The following DNM3 variants were observed in gnomAD, a reference collection of about 807,000 sequenced individuals.
DNM3 encodes the protein dynamin-3.
DNM3 carries 47 observed loss-of-function variants against 101.6 expected under a neutral mutation model. The observed-to-expected ratio is 0.46, with a 90% CI of 0.37 to 0.59. DNM3 has a LOEUF of 0.59. Ranked by LOEUF, DNM3 falls within the 20% of genes least tolerant of loss-of-function variation. DNM3 has a pLI of 0.00. For synonymous variants in DNM3, 385 were observed against 387.9 expected (o/e 0.99, Z 0.09); for missense variants, 849 against 1,085.7 (o/e 0.78, Z 3.06).
intron 4 of DNM3, among the ~76,000 whole-genome samples, chr1:171,991,728 C>T (rs1219424868): frequency 6.6e-6 from 1 of 152,208 alleles, no homozygotes; most frequent in East Asian, 1.9e-4. Context: ...AGTGACCAGT[C>T]CACTTGCTGA....
chr1:171,972,907 T>A (rs943877487), intron 2 of DNM3, among the ~76,000 whole-genome samples: 2 of 152,092 alleles, frequency 1.3e-5, no homozygotes, highest in African/African-American at 4.8e-5. Flanking sequence ...CCCAGATTCC[T>A]GTGGGGAAGA....
At chr1:172,089,400 A>G (rs1345276702) in intron 12 of DNM3, among the ~76,000 whole-genome samples, 62 of 152,238 alleles carry the variant, frequency 4.1e-4, no homozygotes, top group Admixed American at 4.1e-3. Flanking sequence ...ACTATATCCA[A>G]GAACATGTCC....
At chr1:172,340,304 G>A (rs1343247150) in intron 17 of DNM3, among the ~76,000 whole-genome samples, 1 of 152,190 alleles carries the variant, frequency 6.6e-6, no homozygotes, top group Non-Finnish European at 1.5e-5. Flanking sequence ...TATTATAAAT[G>A]TAGGTTGACA....
At chr1:172,372,281 T>C (rs533245575) in intron 17 of DNM3, among the ~76,000 whole-genome samples, 1 of 152,108 alleles carries the variant, frequency 6.6e-6, no homozygotes, top group African/African-American at 2.4e-5. Context: ...CCAGTTTTTC[T>C]TATAGCTTCT....
chr1:171,931,250 T>A (rs1309773093), intron 2 of DNM3, among the ~76,000 whole-genome samples: 1 of 152,206 alleles, frequency 6.6e-6, no homozygotes, highest in East Asian at 1.9e-4. Context: ...ATCTACAAAT[T>A]CAATGCAATC....
At chr1:172,387,037 G>A in intron 18 of DNM3, 96 bp from the exon 19 acceptor site, 2 of 1,057,492 alleles carry the variant, frequency 1.9e-6, no homozygotes, top group Non-Finnish European at 2.8e-6. Context: ...GGACTTTGGT[G>A]GACTTTGTCC....
In DNM3 at chr1:172,196,772, AAT is replaced by A. The variant is rs2059965277; in HGVS notation, c.1660-56800_1660-56799del. Among the ~76,000 whole-genome samples the A allele has an allele frequency of 4.0e-5, 6 of 151,684 alleles. No individual in the cohort carries two copies. In the South Asian group the frequency reaches 1.0e-3, roughly 26 times the overall value. ...GGGGGTTGTTTGTTTTTCTTTTGTA[AAT>A]TTGTTTAAATTCCTTATAGATGTTG... On this transcript the variant is annotated intron_variant, in intron 14 of 20. Coordinates refer to ENST00000627582, the MANE Select transcript of DNM3 (RefSeq NM_015569.5).
chr1:172,390,177 G>A (rs2069443382), intron 20 of DNM3, among the ~76,000 whole-genome samples: 1 of 152,108 alleles, frequency 6.6e-6, no homozygotes, highest in Non-Finnish European at 1.5e-5. Context: ...TTGGAATGGT[G>A]CTAAATTTCT....
chr1:171,994,329 T>C (rs2045846381), intron 4 of DNM3, among the ~76,000 whole-genome samples: 1 of 152,216 alleles, frequency 6.6e-6, no homozygotes, highest in Non-Finnish European at 1.5e-5. Context: ...AAGTCTATAT[T>C]CTTTGTCGTG....
At position 172,348,243 on chromosome 1, in the gene DNM3, T is replaced by C. The variant is rs546541483; in HGVS notation, c.1893+24903T>C. Among the ~76,000 whole-genome samples, 4 of 150,666 alleles carry C rather than the reference T, an allele frequency of 2.7e-5. No individual in the cohort carries two copies. The South Asian group carries it at 8.4e-4, about 32-fold the overall frequency. ...GAGGAGGTAGGAGGAGAGAGAGAGG[T>C]TGAGAATTTTCTAAAATTGTTGAAG... is the stretch of plus-strand genomic sequence containing the variant. On this transcript the variant is annotated intron_variant, in intron 17 of 20. Transcript: ENST00000627582.
Position 172,042,015 on chromosome 1 carries a change from T to C in DNM3, c.999T>C (p.Val333=). ...TRKTKALLQM[V]QQFAVDFEKR... ...TTCTCTTTAACAATTACAGGATGGT[T>C]CAGCAATTTGCTGTGGACTTTGAGA... is the stretch of plus-strand genomic sequence containing the variant. Residue 333 remains valine, a synonymous_variant, in exon 8 of 21, where the codon GTT becomes GTC. Transcript: ENST00000627582. 1 of 1,592,666 alleles carries C rather than the reference T, an allele frequency of 6.3e-7. No homozygotes were observed. The highest frequency in any genetic ancestry group is 8.5e-7 in the Non-Finnish European group (1 of 1,174,044).
intron 2 of DNM3, among the ~76,000 whole-genome samples, chr1:171,978,186 G>A (rs1266041498): frequency 1.3e-5 from 2 of 152,108 alleles, no homozygotes; most frequent in East Asian, 1.9e-4. Flanking sequence ...GCCAGTGGAT[G>A]AAGACAGACA....
intron 10 of DNM3, among the ~76,000 whole-genome samples, chr1:172,052,443 T>C (rs977784633): frequency 4.1e-4 from 63 of 152,198 alleles, no homozygotes; most frequent in African/African-American, 1.4e-3. Flanking sequence ...TGCTGCCCTA[T>C]TTTTCTCCTC....
intron 12 of DNM3, among the ~76,000 whole-genome samples, chr1:172,087,782 T>C (rs1467393085): frequency 6.6e-6 from 1 of 152,226 alleles, no homozygotes; most frequent in African/African-American, 2.4e-5. Context: ...TCTCATTCCT[T>C]CTGAGATTCT....
intron 2 of DNM3, among the ~76,000 whole-genome samples, chr1:171,977,403 A>G (rs1405039051): frequency 6.6e-6 from 1 of 152,256 alleles, no homozygotes; most frequent in Non-Finnish European, 1.5e-5. Flanking sequence ...TGTGTTGCGA[A>G]CAGCAAGAAG....
At chr1:172,130,968 A>C (rs1348337301) in intron 13 of DNM3, among the ~76,000 whole-genome samples, 2 of 152,158 alleles carry the variant, frequency 1.3e-5, no homozygotes. Context: ...TTTTTATTCC[A>C]TTCATTGACA....
intron 14 of DNM3, among the ~76,000 whole-genome samples, chr1:172,167,991 C>T (rs76142207): frequency 0.015 from 2,347 of 151,964 alleles, 58 homozygotes; most frequent in African/African-American, 0.053. Context: ...TTGGGTTCTT[C>T]AGATAAAAGA....
At chr1:171,975,101 C>T (rs12075392) in intron 2 of DNM3, among the ~76,000 whole-genome samples, 1,530 of 152,136 alleles carry the variant, frequency 0.01, 24 homozygotes, top group African/African-American at 0.034. Flanking sequence ...AAGTGATCCT[C>T]ATGTCTTGGC....
At chr1:171,846,784 T>C (rs764732298) in intron 1 of DNM3, among the ~76,000 whole-genome samples, 3 of 152,234 alleles carry the variant, frequency 2.0e-5, no homozygotes, top group Admixed American at 6.5e-5. Flanking sequence ...TCTGCATTGA[T>C]TTAAAAATTC....
Sources: gnomAD v4.1 joint callset for allele counts (sites outside exome capture counted in the v4.1 genomes callset) on GRCh38, gnomAD v4.1.1 for gene constraint, MANE v1.5 for transcripts, NCBI Gene and HGNC (gene_info 2026-07-23, HGNC 2026-07-21) for gene names.